The following RCSD1 variants were observed in gnomAD, a reference collection of about 807,000 sequenced individuals.
The protein encoded by RCSD1 is capZ-interacting protein.
In RCSD1, 26 loss-of-function variants were observed where a neutral mutation model predicts 42.5. The ratio of observed to expected loss-of-function variants is 0.61; its 90% CI spans 0.45 to 0.85. The LOEUF is 0.85. Among genes scored for constraint, RCSD1 ranks in the 40% least tolerant of loss-of-function variants. The pLI is 0.00. For synonymous variants in RCSD1, 220 were observed against 212.2 expected (o/e 1.04, Z -0.32); for missense variants, 571 against 528.3 (o/e 1.08, Z -0.79).
chr1:167,669,963 G>A (rs986190836), intron 1 of RCSD1, among the ~76,000 whole-genome samples: 37 of 145,896 alleles, frequency 2.5e-4, no homozygotes, highest in African/African-American at 9.6e-4. Context: ...CAGCCTGAAG[G>A]ACAAGTGTCC....
chr1:167,676,949 TG>T (rs1339365441), intron 1 of RCSD1, among the ~76,000 whole-genome samples: 1 of 152,240 alleles, frequency 6.6e-6, no homozygotes, highest in Non-Finnish European at 1.5e-5. Context: ...TGCCTGCGTG[TG>T]GGTCCTTTGT....
At chr1:167,684,045 G>A (rs1239271418) in intron 2 of RCSD1, 44 bp downstream of exon 2, 4 of 1,512,830 alleles carry the variant, frequency 2.6e-6, no homozygotes, top group Non-Finnish European at 2.7e-6. Context: ...CAGCGGGCAG[G>A]AGGAAAGGGA....
intron 1 of RCSD1, among the ~76,000 whole-genome samples, chr1:167,665,675 T>C (rs1319044495): frequency 1.3e-5 from 2 of 152,224 alleles, no homozygotes; most frequent in Non-Finnish European, 2.9e-5. Flanking sequence ...TGTGTAGTGG[T>C]ATCTCTTTAC....
In RCSD1 at chr1:167,641,606, TACTC is replaced by T. The variant is rs1329631799; in HGVS notation, c.6+11179_6+11182del. ...GGTGGTGCATGCCTGTAATCCCAGATACTCAGGAGGCTGAGGCAGGAGAATCGCT... is the reference window on the plus strand; with the variant it reads ...GGTGGTGCATGCCTGTAATCCCAGATAGGAGGCTGAGGCAGGAGAATCGCT... On this transcript the variant is annotated intron_variant, in intron 1 of 6. Coordinates refer to ENST00000367854, the MANE Select transcript of RCSD1 (RefSeq NM_052862.4). 3 of 152,206 alleles carry T rather than the reference TACTC, an allele frequency of 2.0e-5. No individual in the cohort carries two copies. In the East Asian group the frequency reaches 5.8e-4, roughly 29 times the overall value. The allele number at this position is 152,206 out of a possible 1,614,324, so 9.4% of individuals were successfully genotyped here. A position where few individuals can be genotyped will look rare whatever the true frequency, so the allele number is the denominator to read the frequency against.
chr1:167,704,952 A>G lies in RCSD1; in HGVS notation c.*256A>G, dbSNP rs1659722967. 6.7e-6 allele frequency: 3 copies of G among 447,504 alleles called. No individual in the cohort carries two copies. The highest frequency in any genetic ancestry group is 3.5e-5 in the Admixed American group (1 of 28,228). 27.7% of individuals were successfully genotyped at this position (447,504 alleles called of 1,614,324 possible). ...GTCATTTGATGGACTTGGTTCAACA[A>G]CAAGAACTTACTTAAAACAATGTAC... is the stretch of plus-strand genomic sequence containing the variant. On this transcript the variant is annotated 3_prime_UTR_variant, in exon 7 of 7. Coordinates refer to ENST00000367854, the MANE Select transcript of RCSD1 (RefSeq NM_052862.4).
At chr1:167,657,699 G>A (rs1010194341) in intron 1 of RCSD1, among the ~76,000 whole-genome samples, 15 of 152,178 alleles carry the variant, frequency 9.9e-5, no homozygotes, top group South Asian at 4.2e-4. Flanking sequence ...TCACTGCAGC[G>A]TTGTTTTCCA....
At chr1:167,631,824 G>A (rs4657690) in intron 1 of RCSD1, among the ~76,000 whole-genome samples, 66,573 of 152,100 alleles carry the variant, frequency 0.44, 16,715 homozygotes, top group Non-Finnish European at 0.56. Context: ...TGTGCTTGCC[G>A]GCAAAGCTTC....
chr1:167,651,122 G>A (rs761074), intron 1 of RCSD1, among the ~76,000 whole-genome samples: 50,883 of 151,936 alleles, frequency 0.33, 8,862 homozygotes, highest in African/African-American at 0.39. Context: ...TAATGACCTT[G>A]TTTTAACTTA....
At chr1:167,654,542 C>A (rs1453435369) in intron 1 of RCSD1, among the ~76,000 whole-genome samples, 1 of 152,116 alleles carries the variant, frequency 6.6e-6, no homozygotes, top group Non-Finnish European at 1.5e-5. Flanking sequence ...AAGCAGAAGT[C>A]AACATAGTGC....
At chr1:167,646,074 A>G (rs1236316942) in intron 1 of RCSD1, among the ~76,000 whole-genome samples, 2 of 152,188 alleles carry the variant, frequency 1.3e-5, no homozygotes, top group African/African-American at 2.4e-5. Context: ...CAGATTTGGT[A>G]TTTGGTTGGA....
At chr1:167,679,155 C>T (rs1450194341) in intron 1 of RCSD1, among the ~76,000 whole-genome samples, 2 of 152,204 alleles carry the variant, frequency 1.3e-5, no homozygotes, top group African/African-American at 4.8e-5. Flanking sequence ...AGAGTTAGTA[C>T]AGCATGTTGG....
intron 1 of RCSD1, among the ~76,000 whole-genome samples, chr1:167,681,568 A>C (rs1284653798): frequency 6.6e-6 from 1 of 152,186 alleles, no homozygotes; most frequent in African/African-American, 2.4e-5. Context: ...CCCCTTGCCA[A>C]GGCTAGTTTT....
chr1:167,635,041 A>G (rs1462887748), intron 1 of RCSD1, among the ~76,000 whole-genome samples: 7 of 152,092 alleles, frequency 4.6e-5, no homozygotes, highest in Admixed American at 4.6e-4. Context: ...ACTTCAGTAA[A>G]CATTTTCTAC....
intron 1 of RCSD1, among the ~76,000 whole-genome samples, chr1:167,644,488 A>AATAAATACATAC (rs1295341494): frequency 2.0e-4 from 15 of 76,722 alleles, no homozygotes; most frequent in African/African-American, 7.8e-4. Flanking sequence ...TCAAAAAATA[A>AATAAATACATAC]ATACATACAT....
chr1:167,687,571 G>A (rs1280948425), intron 3 of RCSD1, among the ~76,000 whole-genome samples: 1 of 151,700 alleles, frequency 6.6e-6, no homozygotes, highest in Non-Finnish European at 1.5e-5. Context: ...AAAATGAGCA[G>A]CCTGCTTTGT....
intron 1 of RCSD1, among the ~76,000 whole-genome samples, chr1:167,649,486 C>A (rs1658249200): frequency 1.3e-5 from 2 of 152,194 alleles, no homozygotes; most frequent in Admixed American, 6.5e-5. Context: ...TTACAGCTCT[C>A]AAAAACCACA....
intron 1 of RCSD1, among the ~76,000 whole-genome samples, chr1:167,666,213 G>A (rs1251833835): frequency 3.0e-4 from 46 of 152,146 alleles, no homozygotes; most frequent in Non-Finnish European, 5.9e-5. Flanking sequence ...TAAACCAACT[G>A]AGCATGGGTT....
At chr1:167,672,046 A>G (rs1658821988) in intron 1 of RCSD1, among the ~76,000 whole-genome samples, 1 of 152,008 alleles carries the variant, frequency 6.6e-6, no homozygotes. Context: ...TTCTGCAATC[A>G]TAGCACCCAC....
chr1:167,647,143 A>G (rs1658178340), intron 1 of RCSD1, among the ~76,000 whole-genome samples: 1 of 151,420 alleles, frequency 6.6e-6, no homozygotes. Flanking sequence ...AAAAAAAGAG[A>G]GAGAGAAGGG....
Sources: allele counts gnomAD v4.1 joint callset (sites outside exome capture counted in the v4.1 genomes callset), GRCh38; gene constraint gnomAD v4.1.1; transcripts MANE v1.5; gene names NCBI Gene and HGNC (gene_info 2026-07-23, HGNC 2026-07-21).